The following STAG1 variants were observed in gnomAD, a reference collection of about 807,000 sequenced individuals.
STAG1 encodes STAG1 cohesin complex component, also known as cohesin subunit SA-1.
Under a neutral mutation model 170.9 loss-of-function variants are expected in STAG1, and 26 were observed. That is an observed-to-expected ratio of 0.15 (90% CI 0.11 to 0.21). STAG1 has a LOEUF of 0.21. Ranked by LOEUF, STAG1 falls within the 10% of genes least tolerant of loss-of-function variation. STAG1 has a pLI of 1.00. For missense variants in STAG1, 964 were observed against 1,509.5 expected, an observed-to-expected ratio of 0.64 and a Z score of 5.99; for synonymous variants, 514 against 497.7, an observed-to-expected ratio of 1.03 and a Z score of -0.44.
At chr3:136,686,297 C>T (rs1263931352) in intron 1 of STAG1, among the ~76,000 whole-genome samples, 2 of 152,220 alleles carry the variant, frequency 1.3e-5, no homozygotes, top group African/African-American at 4.8e-5. Flanking sequence ...AAAGCATCAA[C>T]TATCCTGAAT....
chr3:136,606,346 G>T (rs1938937479), intron 3 of STAG1, among the ~76,000 whole-genome samples: 1 of 151,884 alleles, frequency 6.6e-6, no homozygotes, highest in Non-Finnish European at 1.5e-5. Context: ...CTGTCATCAC[G>T]CCCAGCTCAT....
chr3:136,681,446 G>A (rs1942331774), intron 1 of STAG1, among the ~76,000 whole-genome samples: 1 of 152,030 alleles, frequency 6.6e-6, no homozygotes, highest in African/African-American at 2.4e-5. Flanking sequence ...TAGCCTTGGG[G>A]GAAAAATACA....
chr3:136,444,485 C>A (rs147808105), intron 14 of STAG1, among the ~76,000 whole-genome samples: 21 of 152,302 alleles, frequency 1.4e-4, no homozygotes, highest in African/African-American at 5.1e-4. Flanking sequence ...TATAAAAGAT[C>A]TTCCACTTTT....
chr3:136,701,228 A>G (rs185250279), intron 1 of STAG1, among the ~76,000 whole-genome samples: 4 of 152,260 alleles, frequency 2.6e-5, no homozygotes, highest in African/African-American at 7.2e-5. Flanking sequence ...ACCTTGATTT[A>G]GTGCATCTTC....
chr3:136,501,445 C>T (rs1044705177), intron 8 of STAG1, among the ~76,000 whole-genome samples: 1 of 151,976 alleles, frequency 6.6e-6, no homozygotes, highest in African/African-American at 2.4e-5. Flanking sequence ...TGACTGATGT[C>T]CTTAAGAAGG....
chr3:136,493,656 G>GAAAAA (rs549570470), intron 9 of STAG1, among the ~76,000 whole-genome samples: 1 of 63,170 alleles, frequency 1.6e-5, no homozygotes, highest in Non-Finnish European at 3.2e-5. Flanking sequence ...TCCTGTCTCC[G>GAAAAA]AAAAAAAAAA....
chr3:136,338,188 T>TA lies in STAG1; in HGVS notation c.*65dup. 1 of 1,072,096 alleles carries TA rather than the reference T, an allele frequency of 9.3e-7. No homozygotes were observed. The highest frequency in any genetic ancestry group is 1.4e-6 in the Non-Finnish European group (1 of 705,420). 66.4% of individuals were successfully genotyped at this position (1,072,096 alleles called of 1,614,324 possible). A position where few individuals can be genotyped will look rare whatever the true frequency, so the allele number is the denominator to read the frequency against. On this transcript the variant is annotated 3_prime_UTR_variant, in exon 34 of 34. Transcript: ENST00000383202. ...CAAAAGTGTTTTTCCCCATACAAGCTATCACAGTATATAGGCCTCTAGCTC... is the reference window on the plus strand; with the variant it reads ...CAAAAGTGTTTTTCCCCATACAAGCTAATCACAGTATATAGGCCTCTAGCTC...
chr3:136,402,209 T>C (rs560673986), intron 21 of STAG1, among the ~76,000 whole-genome samples: 2 of 152,092 alleles, frequency 1.3e-5, no homozygotes, highest in African/African-American at 4.8e-5. Flanking sequence ...GATTTTATTT[T>C]TTTAATTTAA....
At chr3:136,617,535 G>T (rs1450439591) in intron 3 of STAG1, among the ~76,000 whole-genome samples, 1 of 152,162 alleles carries the variant, frequency 6.6e-6, no homozygotes, top group East Asian at 1.9e-4. Flanking sequence ...GGAACCACTG[G>T]AGTCTGAATG....
At chr3:136,436,977 A>T (rs2088480017) in intron 15 of STAG1, among the ~76,000 whole-genome samples, 1 of 152,242 alleles carries the variant, frequency 6.6e-6, no homozygotes, top group South Asian at 2.1e-4. Context: ...GTAATACAAA[A>T]AAAGCTTTTT....
intron 1 of STAG1, among the ~76,000 whole-genome samples, chr3:136,725,449 A>G (rs1333543785): frequency 1.3e-5 from 2 of 152,210 alleles, no homozygotes; most frequent in Non-Finnish European, 2.9e-5. Context: ...TTTGGCACTG[A>G]AAAGTTATTA....
chr3:136,751,439 G>A (rs537074222), intron 1 of STAG1, among the ~76,000 whole-genome samples: 4 of 151,896 alleles, frequency 2.6e-5, no homozygotes, highest in African/African-American at 9.7e-5. Flanking sequence ...CTCGAGAAAG[G>A]AGGGAAAACA....
intron 6 of STAG1, among the ~76,000 whole-genome samples, chr3:136,530,221 T>C (rs1935303928): frequency 6.6e-6 from 1 of 152,176 alleles, no homozygotes; most frequent in African/African-American, 2.4e-5. Context: ...CAGTGGAGCA[T>C]CCAGATTTAT....
At chr3:136,407,570 T>C (rs1237294652) in intron 21 of STAG1, among the ~76,000 whole-genome samples, 1 of 152,022 alleles carries the variant, frequency 6.6e-6, no homozygotes, top group Non-Finnish European at 1.5e-5. Context: ...CAAGTCATTC[T>C]CATGCCTCAG....
At chr3:136,473,833 C>T (rs1322933185) in intron 10 of STAG1, among the ~76,000 whole-genome samples, 196 bp from the exon 11 acceptor site, 1 of 151,650 alleles carries the variant, frequency 6.6e-6, no homozygotes, top group African/African-American at 2.4e-5. Context: ...CTGAAAAGAC[C>T]TTAGTTACTT....
chr3:136,448,996 C>A (rs751072816), intron 14 of STAG1, among the ~76,000 whole-genome samples: 1 of 151,888 alleles, frequency 6.6e-6, no homozygotes, highest in Non-Finnish European at 1.5e-5. Flanking sequence ...AAGTCTATTA[C>A]AAAATTTTAC....
chr3:136,544,912 T>C (rs557435200), intron 5 of STAG1, among the ~76,000 whole-genome samples: 3 of 152,344 alleles, frequency 2.0e-5, no homozygotes, highest in Admixed American at 1.3e-4. Flanking sequence ...AATTGCTCCA[T>C]GTATAAATCA....
chr3:136,562,676 C>T (rs570179406), intron 5 of STAG1, among the ~76,000 whole-genome samples: 1 of 152,198 alleles, frequency 6.6e-6, no homozygotes, highest in South Asian at 2.1e-4. Context: ...CAACCTCTGT[C>T]TCCTGGGTTC....
At chr3:136,707,670 A>G (rs902335200) in intron 1 of STAG1, among the ~76,000 whole-genome samples, 6 of 152,238 alleles carry the variant, frequency 3.9e-5, no homozygotes, top group African/African-American at 1.2e-4. Context: ...AACATGGCAG[A>G]AAAGGTCAAT....
Sources: allele counts gnomAD v4.1 joint callset (sites outside exome capture counted in the v4.1 genomes callset), GRCh38; gene constraint gnomAD v4.1.1; transcripts MANE v1.5; gene names NCBI Gene and HGNC (gene_info 2026-07-23, HGNC 2026-07-21).